Variants in ILDR2 observed in about 807,000 individuals in gnomAD.
The protein encoded by ILDR2 is immunoglobulin like domain containing receptor 2.
A neutral mutation model predicts 66.8 loss-of-function variants in ILDR2; 25 were observed. The observed-to-expected ratio is 0.37, with a 90% CI of 0.27 to 0.52. The LOEUF (loss-of-function observed/expected upper bound fraction) is 0.52. Ranked by LOEUF, ILDR2 falls within the 20% of genes least tolerant of loss-of-function variation. The pLI is 0.88. For synonymous variants in ILDR2, 367 were observed against 357.2 expected (o/e 1.03, Z -0.31); for missense variants, 827 against 876.8 (o/e 0.94, Z 0.72).
rs557452172 is a variant in ILDR2, at chr1:166,917,096, C to G, written c.*2259G>C. 6.6e-6 allele frequency: 1 copy of G among 152,284 alleles called. No homozygotes were observed. The highest frequency in any genetic ancestry group is 2.4e-5 in the African/African-American group (1 of 41,560). 9.4% of individuals were successfully genotyped at this position (152,284 alleles called of 1,614,324 possible). On this transcript the variant is annotated 3_prime_UTR_variant, in exon 10 of 10. Coordinates refer to ENST00000271417, the MANE Select transcript of ILDR2 (RefSeq NM_199351.3). ...CCATCTGAACTGGGGTCCAAACAGA[C>G]AGGCTAGACCTAGGCTTTCAGAGGC...
downstream of ILDR2, among the ~76,000 whole-genome samples, chr1:166,906,516 T>C (rs1013165374): frequency 2.6e-5 from 4 of 152,192 alleles, no homozygotes; most frequent in Admixed American, 6.5e-5. Context: ...GCTCTACAAA[T>C]GTTTCTGCAT....
chr1:166,925,749 T>TCTTACCTTATGA (rs2101869603), intron 7 of ILDR2, among the ~76,000 whole-genome samples: 1 of 152,198 alleles, frequency 6.6e-6, no homozygotes, highest in Non-Finnish European at 1.5e-5. Context: ...ACTCTAAGAG[T>TCTTACCTTATGA]CCATTACCTT....
At chr1:166,903,431 G>A (rs569121018), downstream of ILDR2, among the ~76,000 whole-genome samples, 3 of 152,316 alleles carry the variant, frequency 2.0e-5, no homozygotes, top group African/African-American at 7.2e-5. Flanking sequence ...GGAAGTTAAA[G>A]GCAAGTAATT....
chr1:166,929,049 T>C (rs1014668448), intron 6 of ILDR2, among the ~76,000 whole-genome samples: 11 of 152,180 alleles, frequency 7.2e-5, no homozygotes, highest in Admixed American at 4.6e-4. Context: ...TGGAGGCAGT[T>C]ATGTCTGATG....
intron 2 of ILDR2, among the ~76,000 whole-genome samples, chr1:166,896,812 T>G (rs1571253470): frequency 6.6e-6 from 1 of 151,972 alleles, no homozygotes; most frequent in African/African-American, 2.4e-5. Flanking sequence ...ACTTTTTATT[T>G]TTAGTAGAGA....
chr1:166,950,726 T>TACACAC (rs57212569), intron 3 of ILDR2, among the ~76,000 whole-genome samples: 2,885 of 146,694 alleles, frequency 0.02, 34 homozygotes, highest in African/African-American at 0.032. Context: ...TGATCTAAAA[T>TACACAC]ACACACACAC....
chr1:166,916,542 C>T lies in ILDR2; in HGVS notation c.*2813G>A, dbSNP rs1175967417. 1.3e-5 allele frequency: 2 copies of T among 152,206 alleles called. No homozygotes were observed. The highest frequency in any genetic ancestry group is 2.9e-5 in the Non-Finnish European group (2 of 68,056). The allele number at this position is 152,206 out of a possible 1,614,324, so 9.4% of individuals were successfully genotyped here. Reference sequence around the variant, plus strand: ...AAATATAACCATTTCCTGTGCAGGACACACTATTCAAAGGAGAAGAAACAA... The same window carrying T: ...AAATATAACCATTTCCTGTGCAGGATACACTATTCAAAGGAGAAGAAACAA... On this transcript the variant is annotated 3_prime_UTR_variant, in exon 10 of 10. Coordinates refer to ENST00000271417, the MANE Select transcript of ILDR2 (RefSeq NM_199351.3).
intron 3 of ILDR2, among the ~76,000 whole-genome samples, chr1:166,956,371 T>A (rs1410472615): frequency 6.6e-6 from 1 of 152,206 alleles, no homozygotes; most frequent in Non-Finnish European, 1.5e-5. Flanking sequence ...CTTATCTGTG[T>A]AATCTCTACC....
intron 1 of ILDR2, among the ~76,000 whole-genome samples, chr1:166,970,812 A>G (rs992827185): frequency 1.3e-5 from 2 of 152,172 alleles, no homozygotes; most frequent in East Asian, 1.9e-4. Flanking sequence ...AGGCTGGGGG[A>G]CAATGCCGAG....
At position 166,956,755 on chromosome 1, in the gene ILDR2, G is replaced by C; in HGVS notation, c.477C>G (p.Asp159Glu). ...TPDDLEGKNEDSVELLVLGRT... is the reference protein window; with the variant it reads ...TPDDLEGKNEESVELLVLGRT... ...TACCCAACACCAGCAGTTCCACTGA[G>C]TCCTCATTTTTCCCCTCCAGGTCAT... Residue 159 changes from aspartate to glutamate, a missense_variant, in exon 3 of 10, where the codon GAC becomes GAG. Asp to Glu is a conservative substitution (Grantham distance 45). This residue lies in a region of ILDR2 where 437 missense variants were observed against 523.2 expected (regional missense o/e 0.84). Coordinates refer to ENST00000271417, the MANE Select transcript of ILDR2 (RefSeq NM_199351.3). 1.2e-6 allele frequency: 2 copies of C among 1,614,048 alleles called. No homozygotes were observed. The highest frequency in any genetic ancestry group is 1.7e-6 in the Non-Finnish European group (2 of 1,179,966).
At chr1:166,908,146 A>T (rs1659382833), downstream of ILDR2, 1 of 152,230 alleles carries the variant, frequency 6.6e-6, no homozygotes, top group South Asian at 2.1e-4. Context: ...TAGGTGTCTT[A>T]GTCACTTCAG....
chr1:166,919,321 T>C lies in ILDR2; in HGVS notation c.*34A>G, dbSNP rs1342418733. The C allele has an allele frequency of 6.3e-7, 1 of 1,597,886 alleles. No individual in the cohort carries two copies. The highest frequency in any genetic ancestry group is 8.6e-7 in the Non-Finnish European group (1 of 1,166,166). On this transcript the variant is annotated 3_prime_UTR_variant, in exon 10 of 10. Transcript: ENST00000271417. Reference sequence around the variant, plus strand: ...GTGTCTTGTCCCCGTAGTCCATGTCTGATTTCTCATTATCCAGAGAAATGT... The same window carrying C: ...GTGTCTTGTCCCCGTAGTCCATGTCCGATTTCTCATTATCCAGAGAAATGT...
chr1:166,932,817 C>T (rs571121594), intron 6 of ILDR2, among the ~76,000 whole-genome samples: 1 of 152,132 alleles, frequency 6.6e-6, no homozygotes, highest in South Asian at 2.1e-4. Flanking sequence ...GAAATAATTA[C>T]CCTAAAATTG....
chr1:166,898,489 A>C (rs1419521826), intron 2 of ILDR2, among the ~76,000 whole-genome samples: 2 of 152,094 alleles, frequency 1.3e-5, no homozygotes, highest in African/African-American at 2.4e-5. Context: ...TGTCCAGCCA[A>C]AGGTCCAGAA....
chr1:166,955,872 G>A (rs1440232914), intron 3 of ILDR2, among the ~76,000 whole-genome samples: 3 of 152,152 alleles, frequency 2.0e-5, no homozygotes, highest in Admixed American at 1.3e-4. Context: ...TTTCTTGGAA[G>A]CTATAAAAAT....
rs979361329 is a variant in ILDR2, at chr1:166,912,897, G to A, written c.*6458C>T. On this transcript the variant is annotated 3_prime_UTR_variant, in exon 10 of 10. Transcript: ENST00000271417. ...ATATGCTTGTGCCCCTCTTGGAAAT[G>A]AGCTAGGTACCATCACCTTATCCAA... 1 of 152,086 alleles carries A rather than the reference G, an allele frequency of 6.6e-6. No homozygotes were observed. The highest frequency in any genetic ancestry group is 1.5e-5 in the Non-Finnish European group (1 of 68,034). The allele number at this position is 152,086 out of a possible 1,614,324, so 9.4% of individuals were successfully genotyped here.
In ILDR2 at chr1:166,908,439, C is replaced by T. The variant is rs1659392131; in HGVS notation, c.*10916G>A. 1 of 152,192 alleles carries T rather than the reference C, an allele frequency of 6.6e-6. No homozygotes were observed. The highest frequency in any genetic ancestry group is 6.5e-5 in the Admixed American group (1 of 15,282). The allele number at this position is 152,192 out of a possible 1,614,324, so 9.4% of individuals were successfully genotyped here. A position where few individuals can be genotyped will look rare whatever the true frequency, so the allele number is the denominator to read the frequency against. ...CTCCCAAAGGCCTCATGCCCAAATA[C>T]CATCACATTAGGATTAGGATTTTGA... On this transcript the variant is annotated 3_prime_UTR_variant, in exon 10 of 10. Transcript: ENST00000271417.
At position 166,975,335 on chromosome 1, in the gene ILDR2, C is replaced by G. The variant is rs537808889; in HGVS notation, c.-67G>C. Reference sequence around the variant, plus strand: ...GGAAATGGCTGGAACAGAAGGATCGCTGTCACCCCGCGGCAGCGGGCGGCG... The same window carrying G: ...GGAAATGGCTGGAACAGAAGGATCGGTGTCACCCCGCGGCAGCGGGCGGCG... On this transcript the variant is annotated 5_prime_UTR_variant, in exon 1 of 10. Transcript: ENST00000271417. 3.4e-4 allele frequency: 491 copies of G among 1,442,326 alleles called. 1 individual carries two copies. In the African/African-American group the frequency reaches 6.2e-3, roughly 18 times the overall value. The allele number at this position is 1,442,326 out of a possible 1,614,324, so 89.3% of individuals were successfully genotyped here.
intron 5 of ILDR2, among the ~76,000 whole-genome samples, chr1:166,935,699 A>G (rs564203779): frequency 6.6e-6 from 1 of 152,262 alleles, no homozygotes; most frequent in African/African-American, 2.4e-5. Context: ...AGGAATTACA[A>G]TGTTTAGTAC....
Sources: allele counts gnomAD v4.1 joint callset (sites outside exome capture counted in the v4.1 genomes callset), GRCh38; gene constraint gnomAD v4.1.1; regional missense constraint gnomAD v4.1.1; transcripts MANE v1.5; gene names NCBI Gene and HGNC (gene_info 2026-07-23, HGNC 2026-07-21).